The following MTPAP variants were observed in gnomAD, a reference collection of about 807,000 sequenced individuals.
MTPAP encodes poly(A) RNA polymerase, mitochondrial.
Under a neutral mutation model 48.7 loss-of-function variants are expected in MTPAP, and 23 were observed. That is an observed-to-expected ratio of 0.47 (90% CI 0.34 to 0.67). MTPAP has a LOEUF of 0.67. Ranked by LOEUF, MTPAP falls within the 30% of genes least tolerant of loss-of-function variation. MTPAP has a pLI of 0.01. For missense variants in MTPAP, 614 were observed against 694.3 expected (o/e 0.88, Z 1.30); for synonymous variants, 257 against 254.1 (o/e 1.01, Z -0.11).
chr10:30,343,191 G>C (rs182769835), intron 1 of MTPAP, among the ~76,000 whole-genome samples: 55 of 152,232 alleles, frequency 3.6e-4, no homozygotes, highest in Admixed American at 7.2e-4. Flanking sequence ...GCTCACACCT[G>C]TAATCCCAGC....
chr10:30,329,960 T>C (rs961232957), intron 4 of MTPAP, among the ~76,000 whole-genome samples: 2 of 142,366 alleles, frequency 1.4e-5, no homozygotes, highest in African/African-American at 5.2e-5. Context: ...ATGTTCTGGG[T>C]TTTTTCTTTT....
At chr10:30,328,379 G>A (rs1834623599) in intron 4 of MTPAP, among the ~76,000 whole-genome samples, 1 of 152,192 alleles carries the variant, frequency 6.6e-6, no homozygotes, top group African/African-American at 2.4e-5. Flanking sequence ...ACTTCTTGTA[G>A]AACTTGTCCG....
chr10:30,313,227 CAAT>C lies in MTPAP; in HGVS notation c.*379_*381del, dbSNP rs1840618394. The C allele has an allele frequency of 4.1e-6, 1 of 245,438 alleles. No individual in the cohort carries two copies. The highest frequency in any genetic ancestry group is 5.1e-5 in the Admixed American group (1 of 19,580). The allele number at this position is 245,438 out of a possible 1,614,324, so 15.2% of individuals were successfully genotyped here. On this transcript the variant is annotated 3_prime_UTR_variant, in exon 9 of 9. Transcript: ENST00000263063. Reference sequence around the variant, plus strand: ...TTACCTATTTAGTTAAAGCACATTACAATAATCTTTCACCCATTCCTTGTGGCT... The same window carrying C: ...TTACCTATTTAGTTAAAGCACATTACAATCTTTCACCCATTCCTTGTGGCT...
chr10:30,318,254 G>T (rs1840683777), intron 6 of MTPAP, among the ~76,000 whole-genome samples: 2 of 152,008 alleles, frequency 1.3e-5, no homozygotes, highest in South Asian at 4.2e-4. Context: ...TCATTTTTTT[G>T]TCAAGACCTG....
intron 2 of MTPAP, 83 bp from the exon 3 acceptor site, chr10:30,340,533 A>G: frequency 1.0e-6 from 1 of 975,482 alleles, no homozygotes; most frequent in Non-Finnish European, 1.6e-6. Flanking sequence ...TAAAACAATT[A>G]TCATAATGCT....
chr10:30,327,861 A>C (rs1027627104), intron 4 of MTPAP, among the ~76,000 whole-genome samples: 2 of 151,800 alleles, frequency 1.3e-5, no homozygotes, highest in African/African-American at 4.8e-5. Flanking sequence ...AAAAAAAAAA[A>C]CTGAAGTAAA....
intron 1 of MTPAP, chr10:30,348,719 G>A (rs997267787): frequency 6.2e-5 from 13 of 208,710 alleles, no homozygotes; most frequent in Middle Eastern, 2.2e-3. Context: ...ATATAACTCG[G>A]CCTCCAGCAA....
At position 30,313,575 on chromosome 10, in the gene MTPAP, G is replaced by A; in HGVS notation, c.*34C>T. Reference sequence around the variant, plus strand: ...AGTAAGTCCACAGACCATTTGATAGGCTAAGCCCAGTTCTTTACACAATGT... The same window carrying A: ...AGTAAGTCCACAGACCATTTGATAGACTAAGCCCAGTTCTTTACACAATGT... On this transcript the variant is annotated 3_prime_UTR_variant, in exon 9 of 9. Coordinates refer to ENST00000263063, the MANE Select transcript of MTPAP (RefSeq NM_018109.4). 1.2e-6 allele frequency: 2 copies of A among 1,613,526 alleles called. No individual in the cohort carries two copies. The highest frequency in any genetic ancestry group is 1.6e-4 in the Middle Eastern group (1 of 6,062).
At chr10:30,338,298 AT>A (rs1554818466) in intron 3 of MTPAP, among the ~76,000 whole-genome samples, 1 of 60,178 alleles carries the variant, frequency 1.7e-5, no homozygotes, top group Non-Finnish European at 7.3e-5. Context: ...ACAACATAAC[AT>A]TAACATAACA....
Position 30,326,429 on chromosome 10 carries a change from G to A in MTPAP, c.987C>T (p.Asn329=). 3 of 1,612,966 alleles carry A rather than the reference G, an allele frequency of 1.9e-6. No individual in the cohort carries two copies. The highest frequency in any genetic ancestry group is 2.5e-6 in the Non-Finnish European group (3 of 1,178,990). ...ASGFQCDLTT[N]NRIALTSSEL... ...ATAAATGTAAGCGGTCATACCTATT[G>A]TTCGTAGTCAAATCACACTGAAATC... Residue 329 remains asparagine, a synonymous_variant, in exon 5 of 9, where the codon AAC becomes AAT. Transcript: ENST00000263063.
rs1840577608 is a variant in MTPAP, at chr10:30,310,542, C to T, written c.*3067G>A. 6.8e-6 allele frequency: 1 copy of T among 146,512 alleles called. No individual in the cohort carries two copies. The highest frequency in any genetic ancestry group is 2.2e-4 in the South Asian group (1 of 4,604). 9.1% of individuals were successfully genotyped at this position (146,512 alleles called of 1,614,324 possible). On this transcript the variant is annotated 3_prime_UTR_variant, in exon 9 of 9. Transcript: ENST00000263063. ...TGGAGGTTTCAGTGAGCCAAGATCA[C>T]TGCACTCTCCAGCCTGGGTGACAGA...
Position 30,341,592 on chromosome 10 carries a change from T to C in MTPAP, c.206A>G (p.Glu69Gly). The change falls in exon 2 of 9, where the codon GAA becomes GGA. Residue 69 changes from glutamate to glycine, a missense_variant. By Grantham distance (98) the Glu-to-Gly change is moderately conservative. This residue lies in a region of MTPAP where 125 missense variants were observed against 111.5 expected (regional missense o/e 1.12). Transcript: ENST00000263063. The part of the protein sequence containing the change: ...PKRRFSEMQN[E>G]RREQAQRTVL... ...AGTCCGCTGTGCCTGTTCTCGTCTT[T>C]CATTTTGCATCTCAGAGAATCTCCT... The C allele has an allele frequency of 6.2e-7, 1 of 1,614,168 alleles. No individual in the cohort carries two copies. The highest frequency in any genetic ancestry group is 1.7e-4 in the Middle Eastern group (1 of 6,060).
intron 6 of MTPAP, among the ~76,000 whole-genome samples, chr10:30,318,452 AGT>A (rs1840685864): frequency 6.6e-6 from 1 of 152,230 alleles, no homozygotes; most frequent in African/African-American, 2.4e-5. Flanking sequence ...AGTAATTAAC[AGT>A]GTATGTTTTT....
intron 4 of MTPAP, among the ~76,000 whole-genome samples, chr10:30,329,019 G>A (rs2484287): frequency 0.22 from 32,993 of 151,768 alleles, 3,968 homozygotes; most frequent in East Asian, 0.28. Context: ...TGAGGCAGGC[G>A]GATCACTTGA....
At chr10:30,333,045 C>T (rs997103581) in intron 4 of MTPAP, among the ~76,000 whole-genome samples, 1 of 151,710 alleles carries the variant, frequency 6.6e-6, no homozygotes, top group Non-Finnish European at 1.5e-5. Flanking sequence ...AGTGTGAACC[C>T]GGGAGGCGGA....
intron 1 of MTPAP, among the ~76,000 whole-genome samples, chr10:30,344,781 C>T (rs1164800494): frequency 2.0e-5 from 3 of 152,030 alleles, no homozygotes; most frequent in Non-Finnish European, 2.9e-5. Flanking sequence ...CTCGGCTCAC[C>T]GCAATCTCCA....
Position 30,319,348 on chromosome 10 carries a change from TAAAC to T in MTPAP, c.1219+3039_1219+3042del, listed in dbSNP as rs200382658. 9.8e-3 allele frequency among the ~76,000 whole-genome samples: 1,488 copies of T among 152,278 alleles called. 20 individuals carry two copies. The highest frequency in any genetic ancestry group is 0.032 in the African/African-American group (1,349 of 41,564). On this transcript the variant is annotated intron_variant, in intron 6 of 8. Coordinates refer to ENST00000263063, the MANE Select transcript of MTPAP (RefSeq NM_018109.4). ...AGGAATTCATGTTGCCTTCTATTAA[TAAAC>T]AAGCAAGGAAGCAAATAAAATATTT...
rs548128535 is a variant in MTPAP at position 30,340,436 on chromosome 10, G to A, written c.345C>T (p.Val115=). Reference sequence around the variant, plus strand: ...TGCTTTCCTTTTGGCAAAATTCTACGACAGCATAGAGACCCTATACCAAAA... The same window carrying A: ...TGCTTTCCTTTTGGCAAAATTCTACAACAGCATAGAGACCCTATACCAAAA... ...FFYESFGLYA[V]VEFCQKESIG... Residue 115 remains valine, a synonymous_variant, in exon 3 of 9, where the codon GTC becomes GTT. Coordinates refer to ENST00000263063, the MANE Select transcript of MTPAP (RefSeq NM_018109.4). 294 of 1,613,636 alleles carry A rather than the reference G, an allele frequency of 1.8e-4. 5 individuals carry two copies. The South Asian group carries it at 2.5e-3, about 14-fold the overall frequency.
At position 30,323,591 on chromosome 10, in the gene MTPAP, G is replaced by C. The variant is rs182165485; in HGVS notation, c.993-974C>G. Among the ~76,000 whole-genome samples, 887 of 152,182 alleles carry C rather than the reference G, an allele frequency of 5.8e-3. 5 individuals carry two copies. The highest frequency in any genetic ancestry group is 0.02 in the African/African-American group (836 of 41,526). ...ATGGCGCGATCTTGGCTCACTGCAAGCTCCGACTCCTGGGTTCACGCCATT... is the reference window on the plus strand; with the variant it reads ...ATGGCGCGATCTTGGCTCACTGCAACCTCCGACTCCTGGGTTCACGCCATT... On this transcript the variant is annotated intron_variant, in intron 5 of 8. Transcript: ENST00000263063.
Sources: allele counts gnomAD v4.1 joint callset (sites outside exome capture counted in the v4.1 genomes callset), GRCh38; gene constraint gnomAD v4.1.1; regional missense constraint gnomAD v4.1.1; transcripts MANE v1.5; gene names NCBI Gene and HGNC (gene_info 2026-07-23, HGNC 2026-07-21).